Variants in GRIK4 observed in about 807,000 individuals in gnomAD.
The protein encoded by GRIK4 is glutamate ionotropic receptor kainate type subunit 4, also known as glutamate receptor ionotropic, kainate 4.
In GRIK4, 40 loss-of-function variants were observed where a neutral mutation model predicts 104.9. The observed-to-expected ratio is 0.38, with a 90% CI of 0.30 to 0.50. The LOEUF (loss-of-function observed/expected upper bound fraction) is 0.50, where lower values mean the gene tolerates loss of function less well. Among genes scored for constraint, GRIK4 ranks in the 20% least tolerant of loss-of-function variants. GRIK4 has a pLI of 0.93. For synonymous variants in GRIK4, 485 were observed against 524.9 expected (o/e 0.92, Z 1.04); for missense variants, 1,047 against 1,308.1 (o/e 0.80, Z 3.08).
intron 3 of GRIK4, among the ~76,000 whole-genome samples, chr11:120,663,060 C>T (rs1949846466): frequency 6.6e-6 from 1 of 152,092 alleles, no homozygotes; most frequent in African/African-American, 2.4e-5. Context: ...GCATAAATTC[C>T]CCAAACTCTC....
At chr11:120,911,308 GACT>G (rs1434385103) in intron 13 of GRIK4, among the ~76,000 whole-genome samples, 1 of 148,240 alleles carries the variant, frequency 6.7e-6, no homozygotes, top group Non-Finnish European at 1.5e-5. Flanking sequence ...GCGCGATCTC[GACT>G]CACTGCAAGC....
intron 3 of GRIK4, among the ~76,000 whole-genome samples, chr11:120,716,675 T>C (rs1488243449): frequency 1.3e-5 from 2 of 152,128 alleles, no homozygotes; most frequent in Admixed American, 6.5e-5. Flanking sequence ...AAACTGAGTA[T>C]AAATAGATGA....
chr11:120,590,542 G>A (rs1948721591), intron 1 of GRIK4, among the ~76,000 whole-genome samples: 1 of 152,214 alleles, frequency 6.6e-6, no homozygotes, highest in African/African-American at 2.4e-5. Context: ...GTATTTCTAG[G>A]CTGAGCACAG....
intron 1 of GRIK4, among the ~76,000 whole-genome samples, chr11:120,615,319 A>T (rs1187696799): frequency 6.6e-6 from 1 of 152,216 alleles, no homozygotes. Flanking sequence ...TTCACAAAGC[A>T]TTGAGCGGGT....
chr11:120,760,982 C>A (rs1951739466), intron 3 of GRIK4, among the ~76,000 whole-genome samples: 1 of 152,138 alleles, frequency 6.6e-6, no homozygotes, highest in East Asian at 1.9e-4. Context: ...ATTGCTGGGT[C>A]AAATGGTATT....
At chr11:120,889,181 T>G (rs562961843) in intron 11 of GRIK4, among the ~76,000 whole-genome samples, 3 of 152,224 alleles carry the variant, frequency 2.0e-5, no homozygotes, top group Admixed American at 1.3e-4. Context: ...AATGAAACTT[T>G]TATGATTGGA....
intron 5 of GRIK4, among the ~76,000 whole-genome samples, chr11:120,815,832 G>C (rs994565361): frequency 6.6e-6 from 1 of 152,178 alleles, no homozygotes; most frequent in Admixed American, 6.5e-5. Context: ...GTCCACTCTC[G>C]TGTCCACGTG....
intron 6 of GRIK4, among the ~76,000 whole-genome samples, chr11:120,828,338 A>C (rs1309846193): frequency 6.6e-6 from 1 of 152,220 alleles, no homozygotes; most frequent in Non-Finnish European, 1.5e-5. Flanking sequence ...GTTTAAAACC[A>C]AGACTATCTT....
At chr11:120,585,321 TTCTC>T in intron 1 of GRIK4, among the ~76,000 whole-genome samples, 1 of 151,910 alleles carries the variant, frequency 6.6e-6, no homozygotes, top group African/African-American at 2.4e-5. Context: ...GTTCTTTTCA[TTCTC>T]TCTCTCCCTC....
rs141186527 is a variant in GRIK4, at chr11:120,699,415, A to C, written c.82+39015A>C. Among the ~76,000 whole-genome samples the C allele has an allele frequency of 6.8e-4, 104 of 152,234 alleles. 1 individual carries two copies. The Middle Eastern group carries it at 0.017, about 25-fold the overall frequency. ...GCCTGCAGTCTTTAGTTCATTCTAC[A>C]AATAAATATTTATTTCCTGCTACGG... On this transcript the variant is annotated intron_variant, in intron 3 of 20. Transcript: ENST00000527524.
chr11:120,804,997 G>A (rs555499934), intron 4 of GRIK4, among the ~76,000 whole-genome samples: 9 of 152,298 alleles, frequency 5.9e-5, no homozygotes, highest in African/African-American at 2.2e-4. Context: ...GGCCAAAATA[G>A]TCCCTCATTT....
At chr11:120,544,932 C>T (rs148954650) in intron 1 of GRIK4, among the ~76,000 whole-genome samples, 4 of 152,258 alleles carry the variant, frequency 2.6e-5, no homozygotes, top group African/African-American at 4.8e-5. Context: ...GAGCACAGCC[C>T]GGACTCCCAG....
intron 13 of GRIK4, among the ~76,000 whole-genome samples, chr11:120,910,068 T>C (rs192035055): frequency 6.6e-6 from 1 of 152,296 alleles, no homozygotes; most frequent in Non-Finnish European, 1.5e-5. Context: ...AGGCCTCTGG[T>C]GCCTCTCTCT....
chr11:120,873,836 C>T lies in GRIK4; in HGVS notation c.907-230C>T, dbSNP rs978657697. ...AAGGGCCAGCACAAGGCTTCAATCC[C>T]AGAGAATCCTTTGCCACCATTGTGT... On this transcript the variant is annotated intron_variant, in intron 9 of 20. Coordinates refer to ENST00000527524, the MANE Select transcript of GRIK4 (RefSeq NM_014619.5). The T allele has an allele frequency of 2.1e-5, 10 of 470,556 alleles. No homozygotes were observed. The South Asian group carries it at 3.5e-4, about 16-fold the overall frequency. The allele number at this position is 470,556 out of a possible 1,614,324, so 29.1% of individuals were successfully genotyped here.
At chr11:120,879,668 G>A (rs1480339721) in intron 11 of GRIK4, among the ~76,000 whole-genome samples, 3 of 152,210 alleles carry the variant, frequency 2.0e-5, no homozygotes, top group African/African-American at 7.2e-5. Context: ...ATTCCCTGTT[G>A]TGCCCTGTCA....
intron 3 of GRIK4, among the ~76,000 whole-genome samples, chr11:120,689,848 A>G (rs1216574925): frequency 6.6e-6 from 1 of 152,128 alleles, no homozygotes; most frequent in Non-Finnish European, 1.5e-5. Context: ...AACTCCTTGA[A>G]GGCAGGAGAA....
At chr11:120,652,013 C>A (rs1213020812) in intron 1 of GRIK4, among the ~76,000 whole-genome samples, 2 of 152,156 alleles carry the variant, frequency 1.3e-5, no homozygotes, top group Admixed American at 6.5e-5. Flanking sequence ...CCGGAGCCAA[C>A]GCCCAGTTCC....
At chr11:120,838,010 TGGAA>T (rs2135576233) in intron 8 of GRIK4, among the ~76,000 whole-genome samples, 1 of 152,268 alleles carries the variant, frequency 6.6e-6, no homozygotes, top group Non-Finnish European at 1.5e-5. Context: ...ATTTAGCAGA[TGGAA>T]GGAAGCCATT....
In GRIK4 at chr11:120,987,114, C is replaced by G. The variant is rs1030088459; in HGVS notation, c.*854C>G. The stretch of plus-strand genomic sequence containing the variant: ...TTTCCCTTTCTCTTTCTGACTGTCA[C>G]TATTACTGGGTTTGATTTGATCTTT... On this transcript the variant is annotated 3_prime_UTR_variant, in exon 21 of 21. Transcript: ENST00000527524. The G allele has an allele frequency of 6.6e-6, 1 of 152,270 alleles. No individual in the cohort carries two copies. Among genetic ancestry groups the G allele is most frequent in the African/African-American group, 2.4e-5 (1 of 41,444 alleles). 9.4% of individuals were successfully genotyped at this position (152,270 alleles called of 1,614,324 possible).
Sources: allele counts gnomAD v4.1 joint callset (sites outside exome capture counted in the v4.1 genomes callset), GRCh38; gene constraint gnomAD v4.1.1; transcripts MANE v1.5; gene names NCBI Gene and HGNC (gene_info 2026-07-23, HGNC 2026-07-21).